KHDRBS2: variants seen among roughly 807,000 people sequenced by gnomAD.
The protein encoded by KHDRBS2 is KH RNA binding domain containing, signal transduction associated 2, also known as KH domain-containing, RNA-binding, signal transduction-associated protein 2.
Under a neutral mutation model 44.3 loss-of-function variants are expected in KHDRBS2, and 26 were observed. The ratio of observed to expected loss-of-function variants is 0.59; its 90% CI spans 0.43 to 0.81. The LOEUF (loss-of-function observed/expected upper bound fraction) is 0.81. KHDRBS2 is among the 40% of genes least tolerant of loss of function. The pLI, the probability that KHDRBS2 is intolerant of heterozygous loss-of-function variation, is 0.00. For missense variants in KHDRBS2, 476 were observed against 433.1 expected, an observed-to-expected ratio of 1.10 and a Z score of -0.88; for synonymous variants, 194 against 151.1, an observed-to-expected ratio of 1.28 and a Z score of -2.08.
chr6:62,156,911 T>C (rs1476953524), intron 2 of KHDRBS2, among the ~76,000 whole-genome samples: 1 of 147,938 alleles, frequency 6.8e-6, no homozygotes, highest in African/African-American at 2.5e-5. Context: ...GGTCTTGATC[T>C]CCGGACCTCG....
chr6:61,969,354 A>G (rs1379749131), intron 4 of KHDRBS2, among the ~76,000 whole-genome samples: 1 of 152,072 alleles, frequency 6.6e-6, no homozygotes, highest in East Asian at 1.9e-4. Context: ...ACAATTCAGT[A>G]CACTCTCTAA....
chr6:61,666,063 A>G, the KHDRBS2 span, among the ~76,000 whole-genome samples: 2 of 151,296 alleles, frequency 1.3e-5, no homozygotes, highest in African/African-American at 4.8e-5. Flanking sequence ...TATTTCTGTT[A>G]CTTGATAAGT....
intron 6 of KHDRBS2, among the ~76,000 whole-genome samples, chr6:61,777,724 T>A (rs1782309103): frequency 6.6e-6 from 1 of 152,140 alleles, no homozygotes; most frequent in South Asian, 2.1e-4. Context: ...GGAAAGAGCA[T>A]AAAAACAGAT....
At chr6:62,123,080 G>T (rs1373115002) in intron 2 of KHDRBS2, among the ~76,000 whole-genome samples, 2 of 152,020 alleles carry the variant, frequency 1.3e-5, no homozygotes, top group African/African-American at 4.8e-5. Flanking sequence ...GCCCCAGTGT[G>T]TGACGTTCCC....
the KHDRBS2 span, among the ~76,000 whole-genome samples, chr6:61,552,115 T>C: frequency 6.6e-6 from 1 of 152,176 alleles, no homozygotes; most frequent in Middle Eastern, 3.4e-3. Context: ...TAAATGGCCA[T>C]TTTAACAATA....
chr6:61,738,189 C>A (rs918241492), intron 6 of KHDRBS2, among the ~76,000 whole-genome samples: 1 of 151,900 alleles, frequency 6.6e-6, no homozygotes, highest in Admixed American at 6.6e-5. Flanking sequence ...TCAGTCCCAA[C>A]GCAGAATTTC....
chr6:61,808,735 TA>T (rs1199689038), intron 6 of KHDRBS2, among the ~76,000 whole-genome samples: 13 of 152,258 alleles, frequency 8.5e-5, no homozygotes, highest in Admixed American at 5.2e-4. Context: ...TTGAACATTT[TA>T]GGATTTGAAA....
intron 3 of KHDRBS2, among the ~76,000 whole-genome samples, chr6:61,991,114 A>G (rs1314255628): frequency 3.9e-5 from 6 of 152,194 alleles, no homozygotes; most frequent in Non-Finnish European, 8.8e-5. Flanking sequence ...CTTTTCCACT[A>G]TAAAATATGA....
At chr6:62,097,811 T>C (rs1800951938) in intron 2 of KHDRBS2, among the ~76,000 whole-genome samples, 1 of 152,164 alleles carries the variant, frequency 6.6e-6, no homozygotes, top group Non-Finnish European at 1.5e-5. Flanking sequence ...ATGCAGTTCT[T>C]TGTTCCTTTC....
chr6:61,954,794 A>G (rs1378817200), intron 4 of KHDRBS2, among the ~76,000 whole-genome samples: 1 of 100,412 alleles, frequency 1.0e-5, no homozygotes, highest in Admixed American at 1.0e-4. Flanking sequence ...ATACACATGC[A>G]TATGTATGTA....
rs184114923 is a variant in KHDRBS2 at position 61,787,945 on chromosome 6, C to T, written c.811-55181G>A. Among the ~76,000 whole-genome samples, 60 of 151,720 alleles carry T rather than the reference C, an allele frequency of 4.0e-4. 1 individual carries two copies. Among genetic ancestry groups the T allele is most frequent in the African/African-American group, 1.3e-3 (54 of 41,526 alleles). ...TTACTTTATGCATAGTTCTGAATAACAACACATAGGCGTGCACCACATAAT... is the reference window on the plus strand; with the variant it reads ...TTACTTTATGCATAGTTCTGAATAATAACACATAGGCGTGCACCACATAAT... On this transcript the variant is annotated intron_variant, in intron 6 of 8. Coordinates refer to ENST00000281156, the MANE Select transcript of KHDRBS2 (RefSeq NM_152688.4).
intron 6 of KHDRBS2, among the ~76,000 whole-genome samples, chr6:61,816,286 A>G (rs895141477): frequency 2.6e-5 from 4 of 152,164 alleles, no homozygotes; most frequent in African/African-American, 7.2e-5. Context: ...TTGGAGGCAG[A>G]TCAAATTTAG....
intron 4 of KHDRBS2, among the ~76,000 whole-genome samples, chr6:61,960,034 T>C (rs1368147061): frequency 6.6e-6 from 1 of 152,050 alleles, no homozygotes; most frequent in Non-Finnish European, 1.5e-5. Context: ...AATGTAAAGT[T>C]TAGAATTTGT....
the KHDRBS2 span, among the ~76,000 whole-genome samples, chr6:61,598,376 A>C: frequency 6.9e-6 from 1 of 144,886 alleles, no homozygotes; most frequent in African/African-American, 2.4e-5. Context: ...ACCATTCCCG[A>C]TGACAGCTCA....
chr6:62,282,813 C>A (rs1156821988), intron 1 of KHDRBS2, among the ~76,000 whole-genome samples: 1 of 152,026 alleles, frequency 6.6e-6, no homozygotes, highest in East Asian at 1.9e-4. Context: ...TCATCAGTAG[C>A]CTGAGACTTA....
intron 2 of KHDRBS2, among the ~76,000 whole-genome samples, chr6:62,162,544 T>TA (rs1562979088): frequency 6.6e-6 from 1 of 152,086 alleles, no homozygotes; most frequent in Non-Finnish European, 1.5e-5. Flanking sequence ...GATGGATAGC[T>TA]ACTACTGTGC....
chr6:61,702,702 GA>G (rs1237139404), intron 7 of KHDRBS2, among the ~76,000 whole-genome samples: 3 of 151,854 alleles, frequency 2.0e-5, no homozygotes, highest in African/African-American at 7.2e-5. Context: ...ACAGCAATTG[GA>G]ACAGTAAAAC....
In KHDRBS2 at chr6:62,118,067, C is replaced by T. The variant is rs552902429; in HGVS notation, c.219+59118G>A. On this transcript the variant is annotated intron_variant, in intron 2 of 8. Coordinates refer to ENST00000281156, the MANE Select transcript of KHDRBS2 (RefSeq NM_152688.4). ...TTGAGATTACAGGCGTGAGCCACCG[C>T]GTCTGGCCTTGACTCAATTTTTGTA... Among the ~76,000 whole-genome samples the T allele has an allele frequency of 9.8e-5, 15 of 152,302 alleles. No homozygotes were observed. In the South Asian group the frequency reaches 1.0e-3, roughly 11 times the overall value.
intron 2 of KHDRBS2, among the ~76,000 whole-genome samples, chr6:62,103,700 C>A (rs1372849172): frequency 6.6e-6 from 1 of 152,160 alleles, no homozygotes; most frequent in Non-Finnish European, 1.5e-5. Context: ...GCAGAGAGTA[C>A]AAGCCCCAGC....
Sources: allele counts gnomAD v4.1 joint callset (sites outside exome capture counted in the v4.1 genomes callset), GRCh38; gene constraint gnomAD v4.1.1; transcripts MANE v1.5; gene names NCBI Gene and HGNC (gene_info 2026-07-23, HGNC 2026-07-21).